Variants in TMEM177 observed in about 807,000 individuals in gnomAD.
The protein encoded by TMEM177 is transmembrane protein 177.
Under a neutral mutation model 14.2 loss-of-function variants are expected in TMEM177, and 4 were observed. The observed-to-expected ratio is 0.28, with a 90% confidence interval of 0.14 to 0.64. The LOEUF is 0.64. Among genes scored for constraint, TMEM177 ranks in the 30% least tolerant of loss-of-function variants. The pLI is 0.82. For synonymous variants in TMEM177, 179 were observed against 174.5 expected (o/e 1.03, Z -0.20); for missense variants, 344 against 405.2 (o/e 0.85, Z 1.30).
the TMEM177 span, among the ~76,000 whole-genome samples, chr2:119,700,760 C>T: frequency 6.6e-6 from 1 of 152,324 alleles, no homozygotes; most frequent in South Asian, 2.1e-4. Context: ...GCAAGTGTCA[C>T]TTCACTAAAG....
At chr2:119,712,256 G>A in the TMEM177 span, among the ~76,000 whole-genome samples, 449 of 152,028 alleles carry the variant, frequency 3.0e-3, 2 homozygotes, top group African/African-American at 0.01. Context: ...CTCTCCTGCC[G>A]CGTGGCTCTG....
At chr2:119,695,992 C>T in the TMEM177 span, among the ~76,000 whole-genome samples, 5 of 152,164 alleles carry the variant, frequency 3.3e-5, no homozygotes, top group African/African-American at 1.2e-4. Context: ...TTTGATTTAC[C>T]CAACAAAAGG....
downstream of TMEM177, among the ~76,000 whole-genome samples, chr2:119,688,127 A>G (rs1407197839): frequency 6.6e-6 from 1 of 152,218 alleles, no homozygotes; most frequent in Non-Finnish European, 1.5e-5. Context: ...ATTAAAAAGT[A>G]TAATTATGAA....
downstream of TMEM177, chr2:119,685,795 G>A (rs1448099242): frequency 1.4e-6 from 1 of 710,518 alleles, no homozygotes; most frequent in Non-Finnish European, 2.6e-6. Context: ...GTCCTATTTA[G>A]CCTGAAAGTT....
chr2:119,689,599 A>T (rs1689065202), downstream of TMEM177, among the ~76,000 whole-genome samples: 1 of 152,276 alleles, frequency 6.6e-6, no homozygotes, highest in African/African-American at 2.4e-5. Flanking sequence ...AAATCAAGGC[A>T]TAAAGAAGTC....
At chr2:119,715,361 G>A in the TMEM177 span, among the ~76,000 whole-genome samples, 4 of 152,174 alleles carry the variant, frequency 2.6e-5, no homozygotes, top group African/African-American at 4.8e-5. Flanking sequence ...ACTCCAGCCT[G>A]GACAGCAGAG....
chr2:119,697,016 G>A, the TMEM177 span, among the ~76,000 whole-genome samples: 3 of 152,210 alleles, frequency 2.0e-5, no homozygotes, highest in East Asian at 1.9e-4. Flanking sequence ...CTGCCCTGGG[G>A]AAATTCTCAC....
At chr2:119,699,323 C>T in the TMEM177 span, among the ~76,000 whole-genome samples, 2 of 152,140 alleles carry the variant, frequency 1.3e-5, no homozygotes, top group African/African-American at 4.8e-5. Context: ...GATCAGATCT[C>T]GTGAGAATTC....
the TMEM177 span, among the ~76,000 whole-genome samples, chr2:119,710,737 G>A: frequency 3.3e-5 from 5 of 152,022 alleles, no homozygotes; most frequent in East Asian, 5.8e-4. Flanking sequence ...AGCCTCCTGA[G>A]TAGCTGGGAC....
At chr2:119,706,557 C>T in the TMEM177 span, among the ~76,000 whole-genome samples, 2 of 152,078 alleles carry the variant, frequency 1.3e-5, no homozygotes, top group Non-Finnish European at 2.9e-5. Context: ...TTTATGTTAC[C>T]TCCTTGAAAA....
chr2:119,694,071 C>T, the TMEM177 span, among the ~76,000 whole-genome samples: 169 of 32,238 alleles, frequency 5.2e-3, 3 homozygotes, highest in East Asian at 0.15. Flanking sequence ...AACATACACA[C>T]ACAACATACA....
the TMEM177 span, among the ~76,000 whole-genome samples, chr2:119,712,552 C>T: frequency 2.6e-5 from 4 of 152,100 alleles, no homozygotes; most frequent in Non-Finnish European, 4.4e-5. Context: ...CATGAAGGCA[C>T]GGCAAGAAGG....
At position 119,681,723 on chromosome 2, in the gene TMEM177, C is replaced by T. The variant is rs946800464; in HGVS notation, c.870C>T (p.Pro290=). Residue 290 remains proline (P), a synonymous_variant, in exon 2 of 2, where the codon CCC becomes CCT. Transcript: ENST00000272521. ...ACTTGTTCCGAATCAAACATTTACC[C>T]TACACCACCCGCCGGGACTCTGTGC... ...PRHLFRIKHL[P]YTTRRDSVLQ... is the part of the protein sequence containing the mutation. 3.1e-6 allele frequency: 5 copies of T among 1,614,050 alleles called. No individual in the cohort carries two copies. The highest frequency in any genetic ancestry group is 4.2e-6 in the Non-Finnish European group (5 of 1,180,052).
At chr2:119,715,426 G>A in the TMEM177 span, among the ~76,000 whole-genome samples, 1 of 152,146 alleles carries the variant, frequency 6.6e-6, no homozygotes, top group South Asian at 2.1e-4. Flanking sequence ...AGAGACAGAC[G>A]GAAGATTTCT....
chr2:119,704,813 T>G, the TMEM177 span, among the ~76,000 whole-genome samples: 4 of 152,226 alleles, frequency 2.6e-5, no homozygotes, highest in Non-Finnish European at 4.4e-5. Flanking sequence ...CTCAGTGTTA[T>G]AAATCTGTAA....
chr2:119,714,229 G>T, the TMEM177 span, among the ~76,000 whole-genome samples: 2 of 152,184 alleles, frequency 1.3e-5, no homozygotes, highest in Non-Finnish European at 2.9e-5. Context: ...ATGTGCAAAA[G>T]GAGTTGGTCA....
At chr2:119,684,029 T>G (rs563790302), downstream of TMEM177, among the ~76,000 whole-genome samples, 1 of 152,140 alleles carries the variant, frequency 6.6e-6, no homozygotes, top group South Asian at 2.1e-4. Context: ...CTTCTCCCAG[T>G]TCTCCCAGCT....
At chr2:119,709,006 C>T in the TMEM177 span, among the ~76,000 whole-genome samples, 2,977 of 152,256 alleles carry the variant, frequency 0.02, 104 homozygotes, top group African/African-American at 0.067. Flanking sequence ...TATTGTTTTA[C>T]AATTTGCATA....
At position 119,681,528 on chromosome 2, in the gene TMEM177, T is replaced by A; in HGVS notation, c.675T>A (p.His225Gln). Reference protein sequence around the residue: ...AYAFSQDSLTHAVESWLDRRT... With the variant: ...AYAFSQDSLTQAVESWLDRRT... ...CCTTCTCCCAGGATTCTCTCACTCA[T>A]GCCGTGGAGTCCTGGCTGGACCGCC... The change falls in exon 2 of 2, where the codon CAT (histidine) becomes CAA (glutamine). Residue 225 changes from histidine (H) to glutamine (Q), a missense_variant. Transcript: ENST00000272521. The A allele has an allele frequency of 6.2e-7, 1 of 1,614,168 alleles. No individual in the cohort carries two copies. The highest frequency in any genetic ancestry group is 8.5e-7 in the Non-Finnish European group (1 of 1,180,044).
Sources: allele counts gnomAD v4.1 joint callset (sites outside exome capture counted in the v4.1 genomes callset), GRCh38; gene constraint gnomAD v4.1.1; transcripts MANE v1.5; gene names NCBI Gene and HGNC (gene_info 2026-07-23, HGNC 2026-07-21).